Variants in IGSF5 observed in about 807,000 individuals in gnomAD.
The protein encoded by IGSF5 is immunoglobulin superfamily 5 like.
A neutral mutation model predicts 39.4 loss-of-function variants in IGSF5; 41 were observed. The observed-to-expected ratio is 1.04, with a 90% confidence interval of 0.81 to 1.35. The LOEUF is 1.35. IGSF5 is among the 40% of genes most tolerant of loss of function. IGSF5 has a pLI of 0.00. For missense variants in IGSF5, 487 were observed against 494.6 expected (o/e 0.98, Z 0.15); for synonymous variants, 183 against 175.3 (o/e 1.04, Z -0.34).
Position 39,786,755 on chromosome 21 carries a change from T to A in IGSF5, c.935-1412T>A, listed in dbSNP as rs187238821. 4.3e-3 allele frequency among the ~76,000 whole-genome samples: 662 copies of A among 152,264 alleles called. 4 individuals are homozygous for A. Among genetic ancestry groups the A allele is most frequent in the African/African-American group, 0.014 (591 of 41,520 alleles). On this transcript the variant is annotated intron_variant, in intron 5 of 8. Coordinates refer to ENST00000380588, the MANE Select transcript of IGSF5 (RefSeq NM_001080444.2). ...TGGATTAAGAAAATGTGGCACATAT[T>A]CACCATGGAATACTATGCAGCCATA... is the stretch of plus-strand genomic sequence containing the variant.
At chr21:39,728,620 G>T in the IGSF5 span, among the ~76,000 whole-genome samples, 2 of 152,066 alleles carry the variant, frequency 1.3e-5, no homozygotes, top group Admixed American at 6.6e-5. Flanking sequence ...TCGTGCTCCC[G>T]GGGTGACCTC....
rs1602360318 is a variant in IGSF5, at chr21:39,745,401, G to T, written c.-109G>T. 4.6e-6 allele frequency: 3 copies of T among 657,280 alleles called. No individual in the cohort carries two copies. In the East Asian group the frequency reaches 8.3e-5, roughly 18 times the overall value. 40.7% of individuals were successfully genotyped at this position (657,280 alleles called of 1,614,324 possible). On this transcript the variant is annotated 5_prime_UTR_variant, in exon 1 of 9. Transcript: ENST00000380588. ...ATACAACCTGCTAGAGGAAATGAAAGTCTGAACCATTAGTACCTAGGAGGC... is the reference window on the plus strand; with the variant it reads ...ATACAACCTGCTAGAGGAAATGAAATTCTGAACCATTAGTACCTAGGAGGC...
upstream of IGSF5, among the ~76,000 whole-genome samples, chr21:39,743,774 A>T (rs920071854): frequency 1.3e-5 from 2 of 152,208 alleles, no homozygotes; most frequent in African/African-American, 4.8e-5. Context: ...CTTTTCTACA[A>T]AAGAGGTCTA....
chr21:39,716,090 C>G, the IGSF5 span, among the ~76,000 whole-genome samples: 1 of 152,178 alleles, frequency 6.6e-6, no homozygotes, highest in African/African-American at 2.4e-5. Context: ...AAGAGGGTGT[C>G]AGGAGGGTCG....
intron 2 of IGSF5, among the ~76,000 whole-genome samples, chr21:39,752,552 A>G (rs1419718281): frequency 6.6e-6 from 1 of 152,214 alleles, no homozygotes; most frequent in African/African-American, 2.4e-5. Context: ...GCTGGATCAG[A>G]TGGTAGTTTT....
At chr21:39,795,466 G>A (rs2086990800) in intron 8 of IGSF5, among the ~76,000 whole-genome samples, 1 of 151,746 alleles carries the variant, frequency 6.6e-6, no homozygotes, top group Non-Finnish European at 1.5e-5. Flanking sequence ...AAGTGTTCAG[G>A]TCTGGCGTTG....
intron 2 of IGSF5, among the ~76,000 whole-genome samples, chr21:39,747,348 A>G (rs431359): frequency 0.82 from 124,618 of 152,180 alleles, 51,197 homozygotes; most frequent in Admixed American, 0.86. Context: ...TCTCCCACCA[A>G]GTCCCTCCCA....
intron 2 of IGSF5, among the ~76,000 whole-genome samples, chr21:39,757,142 T>G (rs1403794387): frequency 6.6e-6 from 1 of 152,094 alleles, no homozygotes; most frequent in Non-Finnish European, 1.5e-5. Context: ...TCGCTGTGCA[T>G]GGTGCACCTT....
At chr21:39,715,523 T>C in the IGSF5 span, among the ~76,000 whole-genome samples, 1 of 152,370 alleles carries the variant, frequency 6.6e-6, no homozygotes, top group East Asian at 1.9e-4. Context: ...GTCCAAGTTA[T>C]GGAGGTCCAC....
intron 5 of IGSF5, among the ~76,000 whole-genome samples, chr21:39,784,522 A>G (rs928476824): frequency 1.3e-5 from 2 of 152,214 alleles, no homozygotes; most frequent in Admixed American, 6.5e-5. Flanking sequence ...TTAAATAAGT[A>G]TATTAAAAGT....
At chr21:39,717,013 A>AT in the IGSF5 span, among the ~76,000 whole-genome samples, 1 of 151,992 alleles carries the variant, frequency 6.6e-6, no homozygotes, top group Non-Finnish European at 1.5e-5. Context: ...ATTATCTGTT[A>AT]TTTTTTTGAC....
rs564378124 is a variant in IGSF5 at position 39,759,605 on chromosome 21, G to A, written c.101-5930G>A. Among the ~76,000 whole-genome samples, 19 of 152,124 alleles carry A rather than the reference G, an allele frequency of 1.2e-4. No homozygotes were observed. The South Asian group carries it at 1.7e-3, about 13-fold the overall frequency. On this transcript the variant is annotated intron_variant, in intron 2 of 8. Transcript: ENST00000380588. ...AGGCAGGCTGGGTGTGGTGGCTCAC[G>A]CCTGTAATCCCAGCACTATGGGAGG...
chr21:39,767,463 G>A (rs1459186600), intron 3 of IGSF5, among the ~76,000 whole-genome samples: 1 of 152,170 alleles, frequency 6.6e-6, no homozygotes, highest in Admixed American at 6.5e-5. Context: ...GACAATGTGT[G>A]ACCTGGGACA....
At chr21:39,782,246 G>A (rs187094417) in intron 5 of IGSF5, among the ~76,000 whole-genome samples, 1 of 152,252 alleles carries the variant, frequency 6.6e-6, no homozygotes, top group East Asian at 1.9e-4. Flanking sequence ...TTTATAGTAT[G>A]TTTTAATGTC....
At chr21:39,725,326 T>C in the IGSF5 span, among the ~76,000 whole-genome samples, 202 of 152,376 alleles carry the variant, frequency 1.3e-3, no homozygotes, top group African/African-American at 4.6e-3. Context: ...TAAACACTAC[T>C]TATTGTTCAT....
At chr21:39,796,734 G>A (rs1016538236) in intron 8 of IGSF5, among the ~76,000 whole-genome samples, 7 of 152,296 alleles carry the variant, frequency 4.6e-5, no homozygotes, top group African/African-American at 9.6e-5. Context: ...CAGAAACCCC[G>A]CATGAAGCTC....
chr21:39,787,430 C>G (rs1261971703), intron 5 of IGSF5, among the ~76,000 whole-genome samples: 4 of 152,076 alleles, frequency 2.6e-5, no homozygotes, highest in African/African-American at 9.7e-5. Context: ...AGATCACAGG[C>G]TTTTGGGACA....
intron 5 of IGSF5, among the ~76,000 whole-genome samples, chr21:39,787,321 AC>A (rs1217138297): frequency 2.0e-5 from 3 of 152,212 alleles, no homozygotes; most frequent in Admixed American, 6.5e-5. Flanking sequence ...AATTGAAAAT[AC>A]CTGAGAACGT....
chr21:39,723,075 C>T, the IGSF5 span, among the ~76,000 whole-genome samples: 250 of 152,296 alleles, frequency 1.6e-3, no homozygotes, highest in African/African-American at 5.3e-3. Context: ...AAACATCACA[C>T]GTTTATTAGG....
Sources: allele counts gnomAD v4.1 joint callset (sites outside exome capture counted in the v4.1 genomes callset), GRCh38; gene constraint gnomAD v4.1.1; transcripts MANE v1.5; gene names NCBI Gene and HGNC (gene_info 2026-07-23, HGNC 2026-07-21).